ZC3HC1: variants seen among roughly 807,000 people sequenced by gnomAD.
ZC3HC1 encodes the protein zinc finger C3HC-type protein 1.
In ZC3HC1, 38 loss-of-function variants were observed where a neutral mutation model predicts 61.9. The ratio of observed to expected loss-of-function variants is 0.61; its 90% CI spans 0.47 to 0.81. The LOEUF (loss-of-function observed/expected upper bound fraction) is 0.81. Among genes scored for constraint, ZC3HC1 ranks in the 30% least tolerant of loss-of-function variants. ZC3HC1 has a pLI of 0.00. For missense variants in ZC3HC1, 554 were observed against 622.7 expected, an observed-to-expected ratio of 0.89 and a Z score of 1.17; for synonymous variants, 213 against 229.9, an observed-to-expected ratio of 0.93 and a Z score of 0.67.
At chr7:130,032,829 A>AGGGAAAGATGGGAAGGAG (rs1483078782) in intron 4 of ZC3HC1, among the ~76,000 whole-genome samples, 3 of 121,684 alleles carry the variant, frequency 2.5e-5, no homozygotes, top group Non-Finnish European at 5.0e-5. Flanking sequence ...AAGGGAAGGA[A>AGGGAAAGATGGGAAGGAG]GGGAAAGATG....
At chr7:130,026,989 A>T (rs896908769) in intron 5 of ZC3HC1, 1 of 150,784 alleles carries the variant, frequency 6.6e-6, no homozygotes, top group Non-Finnish European at 1.5e-5. Flanking sequence ...AAAAAAAAAA[A>T]ATTAAAGAAA....
At chr7:130,041,641 G>A (rs1794678610) in intron 2 of ZC3HC1, among the ~76,000 whole-genome samples, 1 of 146,890 alleles carries the variant, frequency 6.8e-6, no homozygotes, top group South Asian at 2.1e-4. Context: ...TGATTCTCCT[G>A]CCTCAGCCTC....
rs1793890981 is a variant in ZC3HC1 at position 130,026,035 on chromosome 7, T to A, written c.776+123A>T. ...TCCTCGCACCATCCCCCACCCAGTT[T>A]TTCTTTGTCTCTTTTTCTCACGGGA... On this transcript the variant is annotated intron_variant, in intron 6 of 9. Coordinates refer to ENST00000358303, the MANE Select transcript of ZC3HC1 (RefSeq NM_016478.5). The A allele has an allele frequency of 7.4e-6, 9 of 1,214,228 alleles. No individual in the cohort carries two copies. The South Asian group carries it at 1.4e-4, about 19-fold the overall frequency. The allele number at this position is 1,214,228 out of a possible 1,614,324, so 75.2% of individuals were successfully genotyped here. A position where few individuals can be genotyped will look rare whatever the true frequency, so the allele number is the denominator to read the frequency against.
chr7:130,030,920 G>A lies in ZC3HC1; in HGVS notation c.494-1891C>T, dbSNP rs972931781. Among the ~76,000 whole-genome samples the A allele has an allele frequency of 2.5e-4, 37 of 150,940 alleles. 1 individual carries two copies. The highest frequency in any genetic ancestry group is 6.3e-4 in the South Asian group (3 of 4,760). ...CCTGACCTCATGATCCGCCTGCCTC[G>A]GCCTCCCAAAGTGCTGGGATTACAG... On this transcript the variant is annotated intron_variant, in intron 4 of 9. Coordinates refer to ENST00000358303, the MANE Select transcript of ZC3HC1 (RefSeq NM_016478.5).
intron 4 of ZC3HC1, among the ~76,000 whole-genome samples, chr7:130,033,871 T>C (rs570404773): frequency 6.6e-6 from 1 of 152,336 alleles, no homozygotes. Context: ...AAGAGCCTGA[T>C]CCTTTTAATC....
intron 2 of ZC3HC1, chr7:130,045,632 T>A: frequency 2.4e-6 from 1 of 424,654 alleles, no homozygotes; most frequent in East Asian, 7.1e-5. Flanking sequence ...CCAGGTGCAG[T>A]GGCTCACGCC....
intron 4 of ZC3HC1, among the ~76,000 whole-genome samples, chr7:130,033,420 T>C (rs1366517737): frequency 1.3e-5 from 2 of 151,666 alleles, no homozygotes; most frequent in Non-Finnish European, 2.9e-5. Flanking sequence ...TCTTTTAGCA[T>C]TGTCTGTAGC....
intron 2 of ZC3HC1, among the ~76,000 whole-genome samples, chr7:130,046,273 G>T (rs538827144): frequency 6.6e-6 from 1 of 151,982 alleles, no homozygotes; most frequent in African/African-American, 2.4e-5. Context: ...TAACAAACCC[G>T]CACATCCTAC....
chr7:130,039,767 T>G, intron 3 of ZC3HC1: 1 of 441,660 alleles, frequency 2.3e-6, no homozygotes. Context: ...TATTTTTTAT[T>G]TTTTTGAGAC....
chr7:130,047,638 T>TAAACACACACAC (rs1554457249), intron 2 of ZC3HC1, among the ~76,000 whole-genome samples: 1 of 138,138 alleles, frequency 7.2e-6, no homozygotes, highest in Non-Finnish European at 1.5e-5. Flanking sequence ...AGACTTTGTC[T>TAAACACACACAC]ACACACACAC....
intron 5 of ZC3HC1, among the ~76,000 whole-genome samples, chr7:130,027,759 T>C (rs1195691134): frequency 6.6e-6 from 1 of 152,026 alleles, no homozygotes; most frequent in Non-Finnish European, 1.5e-5. Context: ...CCTCAGGTGA[T>C]CTACCCACCT....
chr7:130,032,706 G>A (rs1458744449), intron 4 of ZC3HC1, among the ~76,000 whole-genome samples: 1 of 124,144 alleles, frequency 8.1e-6, no homozygotes, highest in African/African-American at 3.1e-5. Flanking sequence ...AGGAAGGAAG[G>A]AAGGAAGGAA....
rs551042684 is a variant in ZC3HC1 at position 130,029,289 on chromosome 7, A to C, written c.494-260T>G. 1.1e-4 allele frequency among the ~76,000 whole-genome samples: 17 copies of C among 152,140 alleles called. No individual in the cohort carries two copies. In the East Asian group the frequency reaches 3.1e-3, roughly 28 times the overall value. ...CTCGGGAGGCTAAGACAGGAGAATC[A>C]CTTGAACCCAGGAGGCAGAGGTTGC... On this transcript the variant is annotated intron_variant, in intron 4 of 9. Coordinates refer to ENST00000358303, the MANE Select transcript of ZC3HC1 (RefSeq NM_016478.5).
Position 130,018,707 on chromosome 7 carries a change from A to G in ZC3HC1, c.1466T>C (p.Val489Ala), listed in dbSNP as rs746122135. Residue 489 changes from valine (V) to alanine (A), a missense_variant, in exon 10 of 10, where the codon GTA becomes GCA. Coordinates refer to ENST00000358303, the MANE Select transcript of ZC3HC1 (RefSeq NM_016478.5). Reference protein sequence around the residue: ...SMSLSEKSRKVFRIFRQWESL... With the variant: ...SMSLSEKSRKAFRIFRQWESL... ...TTCCCACTGCCGAAATATTCGGAAT[A>G]CTTTCCTTGATTTCTCAGAGAGACT... 6.2e-7 allele frequency: 1 copy of G among 1,612,356 alleles called. No individual in the cohort carries two copies. The highest frequency in any genetic ancestry group is 1.3e-5 in the African/African-American group (1 of 74,898).
At chr7:130,043,895 GATAACAAATTATGTTTCACAGTGTTGA>G (rs1201683322) in intron 2 of ZC3HC1, 2 of 452,346 alleles carry the variant, frequency 4.4e-6, no homozygotes, top group South Asian at 3.1e-5. Context: ...ATATATTAAG[GATAACAAATTATGTTTCACAGTGTTGA>G]ATATGGGAGG....
chr7:130,022,198 C>A, intron 9 of ZC3HC1, 121 bp downstream of exon 9: 2 of 1,295,420 alleles, frequency 1.5e-6, no homozygotes, highest in East Asian at 2.4e-5. Flanking sequence ...AACAAAAAAA[C>A]CCAAATAACT....
chr7:130,030,692 GA>G (rs1794142833), intron 4 of ZC3HC1, among the ~76,000 whole-genome samples: 1 of 146,518 alleles, frequency 6.8e-6, no homozygotes, highest in Admixed American at 6.9e-5. Context: ...TTTTTTTTGA[GA>G]CAATCTCGCT....
intron 1 of ZC3HC1, chr7:130,050,544 T>C: frequency 7.2e-7 from 1 of 1,393,702 alleles, no homozygotes; most frequent in Non-Finnish European, 9.4e-7. Context: ...AAATGACATT[T>C]ATTTCTCTCT....
chr7:130,030,799 G>C (rs1309681724), intron 4 of ZC3HC1, among the ~76,000 whole-genome samples: 1 of 151,646 alleles, frequency 6.6e-6, no homozygotes, highest in Non-Finnish European at 1.5e-5. Flanking sequence ...CTCCCGAGTA[G>C]CTGGGACTAC....
Sources: allele counts gnomAD v4.1 joint callset (sites outside exome capture counted in the v4.1 genomes callset), GRCh38; gene constraint gnomAD v4.1.1; transcripts MANE v1.5; gene names NCBI Gene and HGNC (gene_info 2026-07-23, HGNC 2026-07-21).